Variants in PAH observed in about 807,000 individuals in gnomAD.
PAH encodes the protein phenylalanine hydroxylase.
Under a neutral mutation model 62.0 loss-of-function variants are expected in PAH, and 64 were observed. The ratio of observed to expected loss-of-function variants is 1.03; its 90% confidence interval spans 0.84 to 1.27. The LOEUF is 1.27. Ranked by LOEUF, PAH falls within the 50% of genes most tolerant of loss-of-function variation. The probability of loss-of-function intolerance (pLI) is 0.00; values close to 1 mark genes in which losing one functional copy is unlikely to be tolerated. For synonymous variants in PAH, 195 were observed against 196.2 expected, an observed-to-expected ratio of 0.99 and a Z score of 0.05; for missense variants, 579 against 542.8, an observed-to-expected ratio of 1.07 and a Z score of -0.66.
At chr12:102,889,486 T>G (rs546757548) in intron 3 of PAH, among the ~76,000 whole-genome samples, 1 of 151,766 alleles carries the variant, frequency 6.6e-6, no homozygotes, top group East Asian at 1.9e-4. Context: ...GATAGGTAGA[T>G]AGATGATAGA....
At chr12:102,851,656 T>A in intron 8 of PAH, 31 bp downstream of exon 8, 1 of 1,598,126 alleles carries the variant, frequency 6.3e-7, no homozygotes, top group South Asian at 1.1e-5. Flanking sequence ...CACAGACCTA[T>A]AACTAGAAGG....
chr12:102,840,568 T>A, intron 11 of PAH, 53 bp from the exon 12 acceptor site: 1 of 1,249,240 alleles, frequency 8.0e-7, no homozygotes. Flanking sequence ...AGAAAGGTAG[T>A]CTTAAGAGAG....
At chr12:102,938,022 T>C (rs1879162912) in intron 1 of PAH, among the ~76,000 whole-genome samples, 1 of 152,140 alleles carries the variant, frequency 6.6e-6, no homozygotes, top group Admixed American at 6.5e-5. Context: ...ACCGCTCTCA[T>C]GGAATGGAGA....
At chr12:102,839,533 G>C in intron 12 of PAH, among the ~76,000 whole-genome samples, 1 of 152,222 alleles carries the variant, frequency 6.6e-6, no homozygotes, top group Non-Finnish European at 1.5e-5. Flanking sequence ...GCTACAAGAA[G>C]CGAAATCATT....
At chr12:102,893,358 C>G (rs1024278731) in intron 3 of PAH, among the ~76,000 whole-genome samples, 17 of 151,864 alleles carry the variant, frequency 1.1e-4, no homozygotes, top group Non-Finnish European at 2.4e-4. Flanking sequence ...TGAGATCGCA[C>G]CATTGCACTC....
intron 5 of PAH, among the ~76,000 whole-genome samples, chr12:102,856,227 C>A (rs1404743699): frequency 6.6e-6 from 1 of 152,122 alleles, no homozygotes; most frequent in Non-Finnish European, 1.5e-5. Context: ...CCGCATAGAT[C>A]CTGAATCTCT....
In PAH at chr12:102,845,697, C is replaced by T. The variant is rs1592948834; in HGVS notation, c.969+1198G>A. Among the ~76,000 whole-genome samples, 5 of 152,140 alleles carry T rather than the reference C, an allele frequency of 3.3e-5. 1 individual carries two copies. In the Middle Eastern group the frequency reaches 0.017, roughly 517 times the overall value. Reference sequence around the variant, plus strand: ...GTTTATTGGACTAGAAAATGTTAAACCTGGGAGGGCTGTCAGAGCTCAGTC... The same window carrying T: ...GTTTATTGGACTAGAAAATGTTAAATCTGGGAGGGCTGTCAGAGCTCAGTC... On this transcript the variant is annotated intron_variant, in intron 9 of 12. Transcript: ENST00000553106.
chr12:102,937,105 A>T (rs1173876718), intron 1 of PAH, among the ~76,000 whole-genome samples: 1 of 152,142 alleles, frequency 6.6e-6, no homozygotes, highest in East Asian at 1.9e-4. Flanking sequence ...CTTATCCTTC[A>T]TTATTGTAAG....
intron 5 of PAH, among the ~76,000 whole-genome samples, chr12:102,856,163 A>T (rs1000271864): frequency 5.9e-5 from 9 of 151,626 alleles, no homozygotes; most frequent in Non-Finnish European, 1.0e-4. Context: ...ATGCTAAGGT[A>T]TAAAATGCCT....
At chr12:102,958,213 C>G in exon 1 of PAH, 2 of 1,452,734 alleles carry the variant, frequency 1.4e-6, no homozygotes, top group Non-Finnish European at 1.8e-6. Flanking sequence ...CCGGATCGCT[C>G]TGATTCCGCG....
At chr12:102,958,070 A>C in intron 1 of PAH, 1 of 447,384 alleles carries the variant, frequency 2.2e-6, no homozygotes. Context: ...CACTCTAAGA[A>C]GTCTCCCGGG....
intron 11 of PAH, 37 bp downstream of exon 11, chr12:102,843,609 C>G: frequency 6.2e-7 from 1 of 1,612,704 alleles, no homozygotes; most frequent in East Asian, 2.2e-5. Flanking sequence ...GTCAGGAGGC[C>G]CCCAGAGCTA....
intron 2 of PAH, among the ~76,000 whole-genome samples, chr12:102,909,692 C>T (rs1362747076): frequency 6.6e-6 from 1 of 152,224 alleles, no homozygotes. Flanking sequence ...TGGCTGGTAG[C>T]TCACGCCTGT....
chr12:102,839,074 T>A lies in PAH; in HGVS notation c.*101A>T, dbSNP rs1230471873. 2.9e-6 allele frequency: 3 copies of A among 1,023,488 alleles called. No individual in the cohort carries two copies. Among genetic ancestry groups the A allele is most frequent in the Non-Finnish European group, 4.6e-6 (3 of 650,704 alleles). The allele number at this position is 1,023,488 out of a possible 1,614,324, so 63.4% of individuals were successfully genotyped here. On this transcript the variant is annotated 3_prime_UTR_variant, in exon 13 of 13. Coordinates refer to ENST00000553106, the MANE Select transcript of PAH (RefSeq NM_000277.3). ...TCTTGTAAAGGATTTAAGGCTGTTA[T>A]TTCAAATTAAGGTTTGCTTTTCGGA...
At chr12:102,930,822 C>T (rs1878839931) in intron 1 of PAH, among the ~76,000 whole-genome samples, 1 of 152,168 alleles carries the variant, frequency 6.6e-6, no homozygotes, top group Non-Finnish European at 1.5e-5. Flanking sequence ...TGTGTGAAAT[C>T]AATGTATGAG....
chr12:102,920,503 C>G (rs1010378270), upstream of PAH, among the ~76,000 whole-genome samples: 5 of 152,162 alleles, frequency 3.3e-5, no homozygotes, highest in Non-Finnish European at 5.9e-5. Flanking sequence ...GCAGGTTTAT[C>G]AGTTCTTTCT....
chr12:102,904,959 A>G (rs1271260641), intron 2 of PAH, among the ~76,000 whole-genome samples: 2 of 152,226 alleles, frequency 1.3e-5, no homozygotes. Flanking sequence ...TCATTAAAAC[A>G]AAAAACAACA....
chr12:102,943,184 G>T (rs1373399919), intron 1 of PAH, among the ~76,000 whole-genome samples: 2 of 152,008 alleles, frequency 1.3e-5, no homozygotes, highest in African/African-American at 4.8e-5. Context: ...TCCAACAAAG[G>T]TCTAATATTC....
At chr12:102,936,158 C>T (rs1031230750) in intron 1 of PAH, among the ~76,000 whole-genome samples, 11 of 151,948 alleles carry the variant, frequency 7.2e-5, no homozygotes, top group South Asian at 6.2e-4. Flanking sequence ...CATTCAGGAA[C>T]GTATTGTTTA....
Sources: allele counts gnomAD v4.1 joint callset (sites outside exome capture counted in the v4.1 genomes callset), GRCh38; gene constraint gnomAD v4.1.1; transcripts MANE v1.5; gene names NCBI Gene and HGNC (gene_info 2026-07-23, HGNC 2026-07-21).